Variants in CADPS2 observed in about 807,000 individuals in gnomAD.
CADPS2 encodes the protein calcium dependent secretion activator 2, also known as calcium-dependent secretion activator 2.
In CADPS2, 93 loss-of-function variants were observed where a neutral mutation model predicts 172.5. The observed-to-expected ratio is 0.54, with a 90% CI of 0.46 to 0.64. CADPS2 has a LOEUF of 0.64. Ranked by LOEUF, CADPS2 falls within the 30% of genes least tolerant of loss-of-function variation. The probability of loss-of-function intolerance (pLI) is 0.00; values close to 1 mark genes in which losing one functional copy is unlikely to be tolerated. For missense variants in CADPS2, 1,420 were observed against 1,565.9 expected (o/e 0.91, Z 1.57); for synonymous variants, 546 against 555.2 (o/e 0.98, Z 0.23).
intron 3 of CADPS2, among the ~76,000 whole-genome samples, chr7:122,634,536 C>T (rs950322223): frequency 1.3e-5 from 2 of 152,040 alleles, no homozygotes; most frequent in Admixed American, 1.3e-4. Flanking sequence ...TTTGTCATTT[C>T]TGGTTACACT....
chr7:122,873,495 T>C (rs772401114), intron 1 of CADPS2, among the ~76,000 whole-genome samples: 3 of 152,210 alleles, frequency 2.0e-5, no homozygotes, highest in Non-Finnish European at 2.9e-5. Flanking sequence ...GCAAAGGACA[T>C]GAACTCATCC....
chr7:122,842,281 A>G (rs1810765217), intron 1 of CADPS2, among the ~76,000 whole-genome samples: 2 of 152,216 alleles, frequency 1.3e-5, no homozygotes, highest in Admixed American at 1.3e-4. Context: ...TCTAGAGCAG[A>G]AAGCAGGACG....
At chr7:122,694,941 C>T (rs1276163907) in intron 2 of CADPS2, among the ~76,000 whole-genome samples, 1 of 152,110 alleles carries the variant, frequency 6.6e-6, no homozygotes, top group Non-Finnish European at 1.5e-5. Context: ...ATCTTTCTCC[C>T]AGTTGATACC....
intron 16 of CADPS2, chr7:122,440,437 C>T (rs181988005): frequency 6.6e-6 from 1 of 152,258 alleles, no homozygotes; most frequent in East Asian, 1.9e-4. Flanking sequence ...TTATGTGCAG[C>T]TTTCAGTATT....
intron 1 of CADPS2, among the ~76,000 whole-genome samples, chr7:122,786,628 T>A (rs1280432381): frequency 6.6e-6 from 1 of 152,210 alleles, no homozygotes; most frequent in Non-Finnish European, 1.5e-5. Flanking sequence ...CCTTTCAATT[T>A]TGAGATGTAA....
At chr7:122,725,348 T>C (rs76207177) in intron 2 of CADPS2, among the ~76,000 whole-genome samples, 1,575 of 152,006 alleles carry the variant, frequency 0.01, 24 homozygotes, top group African/African-American at 0.036. Flanking sequence ...TATATATATA[T>C]GTATAGGTAT....
At chr7:122,449,095 A>T (rs2152022253) in intron 15 of CADPS2, among the ~76,000 whole-genome samples, 1 of 152,308 alleles carries the variant, frequency 6.6e-6, no homozygotes, top group Middle Eastern at 3.4e-3. Context: ...GTGAGCATGC[A>T]AATTTATTTA....
Position 122,506,502 on chromosome 7 carries a change from T to C in CADPS2, c.1542+6747A>G, listed in dbSNP as rs150482038. 5.6e-3 allele frequency among the ~76,000 whole-genome samples: 852 copies of C among 152,262 alleles called. 6 individuals carry two copies. The highest frequency in any genetic ancestry group is 8.5e-3 in the Non-Finnish European group (580 of 68,020). On this transcript the variant is annotated intron_variant, in intron 9 of 29. Transcript: ENST00000449022. ...ACGAAACCTCCCATTTTGTCCTCAA[T>C]TGCCAACCTGTGCAATACCTGTCTG...
In CADPS2 at chr7:122,386,907, C is replaced by T. The variant is rs1009957107; in HGVS notation, c.3312+119G>A. On this transcript the variant is annotated intron_variant, in intron 24 of 29. Coordinates refer to ENST00000449022, the MANE Select transcript of CADPS2 (RefSeq NM_017954.11). The stretch of plus-strand genomic sequence containing the variant: ...TTCTGTTATTATAGTAAAGATCAAA[C>T]GTTTGGTGCTAGAGAACTTGGTCTT... 1.2e-5 allele frequency: 12 copies of T among 976,190 alleles called. No homozygotes were observed. In the Admixed American group the frequency reaches 2.4e-4, roughly 20 times the overall value. 60.5% of individuals were successfully genotyped at this position (976,190 alleles called of 1,614,324 possible).
rs141185788 is a variant in CADPS2, at chr7:122,844,064, C to T, written c.339+41935G>A. On this transcript the variant is annotated intron_variant, in intron 1 of 29. Transcript: ENST00000449022. ...ACTGGGCACCAAGGTGAGCACAGGA[C>T]CAAACACAAGCCCCAGCCACAGTGA... is the stretch of plus-strand genomic sequence containing the variant. 1.7e-4 allele frequency among the ~76,000 whole-genome samples: 26 copies of T among 152,322 alleles called. No individual in the cohort carries two copies. The East Asian group carries it at 5.0e-3, about 29-fold the overall frequency.
intron 20 of CADPS2, among the ~76,000 whole-genome samples, chr7:122,404,831 A>G (rs1230330324): frequency 6.6e-6 from 1 of 152,204 alleles, no homozygotes; most frequent in Non-Finnish European, 1.5e-5. Flanking sequence ...GTGTTAAAAA[A>G]TATCTTACAT....
intron 25 of CADPS2, among the ~76,000 whole-genome samples, chr7:122,377,342 T>G (rs2042475259): frequency 6.6e-6 from 1 of 152,158 alleles, no homozygotes; most frequent in East Asian, 1.9e-4. Flanking sequence ...TGTCTTACTT[T>G]GCCAGAAATG....
intron 2 of CADPS2, among the ~76,000 whole-genome samples, chr7:122,673,839 T>C (rs973421357): frequency 8.7e-6 from 1 of 114,624 alleles, no homozygotes; most frequent in Non-Finnish European, 1.7e-5. Context: ...GGGCGGCAGA[T>C]GGGACCGGGT....
At chr7:122,620,514 T>C (rs1587892066) in intron 5 of CADPS2, among the ~76,000 whole-genome samples, 1 of 152,146 alleles carries the variant, frequency 6.6e-6, no homozygotes, top group South Asian at 2.1e-4. Flanking sequence ...TGAAGAGATA[T>C]CATGTAAACC....
intron 2 of CADPS2, among the ~76,000 whole-genome samples, chr7:122,730,294 T>C (rs1479383446): frequency 6.6e-6 from 1 of 151,784 alleles, no homozygotes; most frequent in African/African-American, 2.4e-5. Context: ...ATTTATTTTA[T>C]GATAATACCA....
At chr7:122,757,663 C>T (rs754858425) in intron 1 of CADPS2, among the ~76,000 whole-genome samples, 17 of 149,106 alleles carry the variant, frequency 1.1e-4, no homozygotes, top group Admixed American at 4.7e-4. Context: ...GTAACACTTA[C>T]GTTTGGACGT....
chr7:122,682,647 T>C (rs754190679), intron 2 of CADPS2, among the ~76,000 whole-genome samples: 3 of 152,222 alleles, frequency 2.0e-5, no homozygotes, highest in Non-Finnish European at 2.9e-5. Flanking sequence ...CCAACTTCAA[T>C]TACAGAATTC....
chr7:122,326,746 C>T (rs757503504), intron 28 of CADPS2, among the ~76,000 whole-genome samples: 15 of 151,852 alleles, frequency 9.9e-5, no homozygotes, highest in Non-Finnish European at 2.9e-5. Flanking sequence ...TTTCACTGAT[C>T]CAAGTCTGAA....
chr7:122,341,367 C>T (rs897902034), intron 28 of CADPS2, among the ~76,000 whole-genome samples: 5 of 152,128 alleles, frequency 3.3e-5, no homozygotes, highest in Admixed American at 6.6e-5. Context: ...GTCATCATTG[C>T]TAACATTAAA....
Sources: allele counts gnomAD v4.1 joint callset (sites outside exome capture counted in the v4.1 genomes callset), GRCh38; gene constraint gnomAD v4.1.1; transcripts MANE v1.5; gene names NCBI Gene and HGNC (gene_info 2026-07-23, HGNC 2026-07-21).